GLRA3: variants seen among roughly 807,000 people sequenced by gnomAD.
GLRA3 encodes glycine receptor subunit alpha-3.
A neutral mutation model predicts 60.4 loss-of-function variants in GLRA3; 44 were observed. That is an observed-to-expected ratio of 0.73 (90% CI 0.57 to 0.94). GLRA3 has a LOEUF of 0.94. Among genes scored for constraint, GLRA3 ranks in the 40% least tolerant of loss-of-function variants. GLRA3 has a pLI of 0.00. For synonymous variants in GLRA3, 223 were observed against 192.9 expected, an observed-to-expected ratio of 1.16 and a Z score of -1.29; for missense variants, 508 against 564.6, an observed-to-expected ratio of 0.90 and a Z score of 1.02.
At chr4:174,754,187 A>G (rs1737597901) in intron 3 of GLRA3, among the ~76,000 whole-genome samples, 1 of 152,176 alleles carries the variant, frequency 6.6e-6, no homozygotes, top group Admixed American at 6.5e-5. Context: ...TGAATTCATT[A>G]AGCAGAGATT....
At chr4:174,648,200 C>G (rs1732900219) in intron 9 of GLRA3, among the ~76,000 whole-genome samples, 1 of 152,114 alleles carries the variant, frequency 6.6e-6, no homozygotes, top group African/African-American at 2.4e-5. Flanking sequence ...GCAGCTTACG[C>G]CTCTAATCCT....
rs554387122 is a variant in GLRA3, at chr4:174,824,018, A to G, written c.71+4723T>C. Among the ~76,000 whole-genome samples the G allele has an allele frequency of 2.0e-5, 3 of 152,200 alleles. No individual in the cohort carries two copies. In the East Asian group the frequency reaches 5.8e-4, roughly 29 times the overall value. ...AATGTATTTTCTATTCTTTCTTTGC[A>G]CCACAGTATACTCACCTTTATAACC... On this transcript the variant is annotated intron_variant, in intron 1 of 9. Transcript: ENST00000274093.
chr4:174,753,822 T>C (rs1340622442), intron 3 of GLRA3, among the ~76,000 whole-genome samples: 2 of 152,146 alleles, frequency 1.3e-5, no homozygotes, highest in Non-Finnish European at 2.9e-5. Context: ...TATTTCTCTT[T>C]CCCAGCCCAA....
At chr4:174,805,367 G>T (rs1740001494) in intron 1 of GLRA3, among the ~76,000 whole-genome samples, 1 of 152,086 alleles carries the variant, frequency 6.6e-6, no homozygotes, top group South Asian at 2.1e-4. Context: ...GTCATAAAAT[G>T]CATTGTAACT....
intron 1 of GLRA3, among the ~76,000 whole-genome samples, chr4:174,797,838 C>T (rs1242045450): frequency 2.6e-5 from 4 of 151,716 alleles, no homozygotes; most frequent in Non-Finnish European, 5.9e-5. Context: ...GCAGGAGAAT[C>T]ACCTGATCCC....
At chr4:174,661,248 C>T (rs1038441410) in intron 7 of GLRA3, among the ~76,000 whole-genome samples, 58 of 152,080 alleles carry the variant, frequency 3.8e-4, no homozygotes, top group African/African-American at 1.3e-3. Flanking sequence ...ATCCATCTAT[C>T]CATCAAACAT....
chr4:174,679,364 C>T (rs1022285499), intron 6 of GLRA3, among the ~76,000 whole-genome samples: 26 of 151,766 alleles, frequency 1.7e-4, no homozygotes, highest in African/African-American at 6.0e-4. Context: ...ATTATCTCAC[C>T]CCAATGAAAT....
At chr4:174,652,345 G>A (rs571248689) in intron 9 of GLRA3, among the ~76,000 whole-genome samples, 95 of 152,148 alleles carry the variant, frequency 6.2e-4, no homozygotes, top group African/African-American at 2.2e-3. Flanking sequence ...GAGACATTAT[G>A]TGTTAGCCAA....
At chr4:174,701,036 A>G (rs559795988) in intron 5 of GLRA3, among the ~76,000 whole-genome samples, 19 of 152,356 alleles carry the variant, frequency 1.2e-4, no homozygotes, top group Non-Finnish European at 2.2e-4. Context: ...ATGAAGGTGG[A>G]CACATTAAAC....
intron 7 of GLRA3, among the ~76,000 whole-genome samples, chr4:174,674,795 G>T (rs1002369917): frequency 1.3e-5 from 2 of 152,132 alleles, no homozygotes; most frequent in Admixed American, 1.3e-4. Context: ...ACTTCTGAGG[G>T]TTCTTTTGTG....
At position 174,776,770 on chromosome 4, in the gene GLRA3, C is replaced by G. The variant is rs116170899; in HGVS notation, c.200-9740G>C. Among the ~76,000 whole-genome samples the G allele has an allele frequency of 6.2e-3, 937 of 152,196 alleles. 6 individuals are homozygous for G. Among genetic ancestry groups the G allele is most frequent in the African/African-American group, 0.021 (888 of 41,538 alleles). On this transcript the variant is annotated intron_variant, in intron 2 of 9. Transcript: ENST00000274093. ...TCAGGGACATGATTGTTACTATTGTCATAAATAAAACTGACAAGCAAATAA... is the reference window on the plus strand; with the variant it reads ...TCAGGGACATGATTGTTACTATTGTGATAAATAAAACTGACAAGCAAATAA...
At chr4:174,801,455 A>G (rs942898818) in intron 1 of GLRA3, among the ~76,000 whole-genome samples, 1 of 152,094 alleles carries the variant, frequency 6.6e-6, no homozygotes, top group Admixed American at 6.5e-5. Flanking sequence ...CTGACATTAC[A>G]TCTAAATCAA....
intron 1 of GLRA3, among the ~76,000 whole-genome samples, chr4:174,821,263 T>C (rs1740730326): frequency 6.6e-6 from 1 of 152,184 alleles, no homozygotes; most frequent in South Asian, 2.1e-4. Context: ...TATGGAAAAA[T>C]ATACTGCTAA....
rs1480207886 is a variant in GLRA3, at chr4:174,639,162, A to G, written c.*4624T>C. 6.6e-6 allele frequency: 1 copy of G among 152,158 alleles called. No homozygotes were observed. The highest frequency in any genetic ancestry group is 1.5e-5 in the Non-Finnish European group (1 of 68,024). The allele number at this position is 152,158 out of a possible 1,614,324, so 9.4% of individuals were successfully genotyped here. ...TCGATTGTTAAGGGTTAAAGACTTGATCCAGTTAGCTTTGTTTATGTGTTT... is the reference window on the plus strand; with the variant it reads ...TCGATTGTTAAGGGTTAAAGACTTGGTCCAGTTAGCTTTGTTTATGTGTTT... On this transcript the variant is annotated 3_prime_UTR_variant, in exon 10 of 10. Coordinates refer to ENST00000274093, the MANE Select transcript of GLRA3 (RefSeq NM_006529.4).
At chr4:174,673,806 T>A (rs1043665375) in intron 7 of GLRA3, among the ~76,000 whole-genome samples, 9 of 152,110 alleles carry the variant, frequency 5.9e-5, no homozygotes, top group Non-Finnish European at 1.3e-4. Context: ...GTCTCCAAGT[T>A]AACATGTTTT....
chr4:174,678,922 T>A (rs1734231065), intron 6 of GLRA3, among the ~76,000 whole-genome samples: 1 of 152,168 alleles, frequency 6.6e-6, no homozygotes, highest in Non-Finnish European at 1.5e-5. Flanking sequence ...TAACAAATAC[T>A]AACCATTCAG....
chr4:174,658,356 G>A (rs746895297), intron 8 of GLRA3, among the ~76,000 whole-genome samples: 6 of 152,294 alleles, frequency 3.9e-5, no homozygotes, highest in Non-Finnish European at 7.4e-5. Flanking sequence ...AAAACCACAT[G>A]CATGTCAAGG....
intron 2 of GLRA3, among the ~76,000 whole-genome samples, chr4:174,782,773 A>C (rs954894326): frequency 8.6e-5 from 13 of 152,038 alleles, no homozygotes; most frequent in African/African-American, 2.9e-4. Context: ...GATGTGAAGG[A>C]CCTCTTCAAG....
At position 174,672,696 on chromosome 4, in the gene GLRA3, G is replaced by A. The variant is rs74528967; in HGVS notation, c.927+4382C>T. ...CAGGGCAAGCGCAGAAGAGATACAGGCACCTCACAGTCCTGTGAGCAAGAA... is the reference window on the plus strand; with the variant it reads ...CAGGGCAAGCGCAGAAGAGATACAGACACCTCACAGTCCTGTGAGCAAGAA... On this transcript the variant is annotated intron_variant, in intron 7 of 9. Coordinates refer to ENST00000274093, the MANE Select transcript of GLRA3 (RefSeq NM_006529.4). Among the ~76,000 whole-genome samples the A allele has an allele frequency of 5.4e-3, 827 of 152,200 alleles. 6 individuals are homozygous for A. Among genetic ancestry groups the A allele is most frequent in the African/African-American group, 0.019 (775 of 41,540 alleles).
Sources: gnomAD v4.1 joint callset for allele counts (sites outside exome capture counted in the v4.1 genomes callset) on GRCh38, gnomAD v4.1.1 for gene constraint, MANE v1.5 for transcripts, NCBI Gene and HGNC (gene_info 2026-07-23, HGNC 2026-07-21) for gene names.